MACIR: variants seen among roughly 807,000 people sequenced by gnomAD.
MACIR encodes UNC119-binding protein C5orf30.
In MACIR, 4 loss-of-function variants were observed where a neutral mutation model predicts 14.3. The ratio of observed to expected loss-of-function variants is 0.28; its 90% CI spans 0.14 to 0.64. The LOEUF (loss-of-function observed/expected upper bound fraction) is 0.64. Among genes scored for constraint, MACIR ranks in the 30% least tolerant of loss-of-function variants. MACIR has a pLI of 0.83. For synonymous variants in MACIR, 101 were observed against 102.4 expected (o/e 0.99, Z 0.08); for missense variants, 228 against 257.6 (o/e 0.89, Z 0.79).
chr5:103,267,136 A>G (rs1804954415), intron 2 of MACIR, among the ~76,000 whole-genome samples: 1 of 152,132 alleles, frequency 6.6e-6, no homozygotes, highest in South Asian at 2.1e-4. Context: ...ACCTATATTT[A>G]TACAGTTGTC....
intron 2 of MACIR, among the ~76,000 whole-genome samples, chr5:103,268,562 C>A (rs144466097): frequency 1.3e-5 from 2 of 152,318 alleles, no homozygotes; most frequent in Non-Finnish European, 2.9e-5. Context: ...TGAAACTCTT[C>A]TATCTGATAA....
Position 103,276,108 on chromosome 5 carries a change from C to T in MACIR, c.189C>T (p.Gly63=), listed in dbSNP as rs920067089. The change falls in exon 3 of 3, where the codon GGC becomes GGT. Residue 63 remains glycine (G), a synonymous_variant. Coordinates refer to ENST00000319933, the MANE Select transcript of MACIR (RefSeq NM_033211.4). ...ACATGGACTCTAACTATTTGGTTGG[C>T]TTCACGACTGGCGAGGAACTCCTGA... ...ILHMDSNYLV[G]FTTGEELLKL... 3.7e-6 allele frequency: 6 copies of T among 1,613,932 alleles called. No individual in the cohort carries two copies. In the Admixed American group the frequency reaches 5.0e-5, roughly 13 times the overall value.
chr5:103,273,520 A>G (rs958105890), intron 2 of MACIR, among the ~76,000 whole-genome samples: 1 of 152,200 alleles, frequency 6.6e-6, no homozygotes, highest in East Asian at 1.9e-4. Flanking sequence ...ATTTCTGCCT[A>G]TTTCTCTAAA....
chr5:103,271,528 A>T (rs1805125088), intron 2 of MACIR, among the ~76,000 whole-genome samples: 1 of 152,122 alleles, frequency 6.6e-6, no homozygotes, highest in African/African-American at 2.4e-5. Flanking sequence ...TTTTTAAAGA[A>T]TTATTGTTAC....
chr5:103,271,899 C>G (rs1554237153), intron 2 of MACIR, among the ~76,000 whole-genome samples: 1 of 152,082 alleles, frequency 6.6e-6, no homozygotes, highest in African/African-American at 2.4e-5. Flanking sequence ...ATATGAAAGG[C>G]ATTAATGGAA....
chr5:103,276,665 C>A lies in MACIR; in HGVS notation c.*125C>A. On this transcript the variant is annotated 3_prime_UTR_variant, in exon 3 of 3. Coordinates refer to ENST00000319933, the MANE Select transcript of MACIR (RefSeq NM_033211.4). Reference sequence around the variant, plus strand: ...TTATATCAGCTAAGTGTTCCTGGAACATAAAAATTGTTTGGGTCAAATTTG... The same window carrying A: ...TTATATCAGCTAAGTGTTCCTGGAAAATAAAAATTGTTTGGGTCAAATTTG... 2 of 906,920 alleles carry A rather than the reference C, an allele frequency of 2.2e-6. No individual in the cohort carries two copies. The highest frequency in any genetic ancestry group is 1.6e-6 in the Non-Finnish European group (1 of 631,422). 56.2% of individuals were successfully genotyped at this position (906,920 alleles called of 1,614,324 possible). A position where few individuals can be genotyped will look rare whatever the true frequency, so the allele number is the denominator to read the frequency against.
intron 2 of MACIR, among the ~76,000 whole-genome samples, chr5:103,267,518 G>A (rs1028319713): frequency 2.0e-5 from 3 of 152,064 alleles, no homozygotes; most frequent in Admixed American, 6.6e-5. Context: ...TAAATAAATC[G>A]ACATTCTAGC....
chr5:103,267,544 G>A (rs554797051), intron 2 of MACIR, among the ~76,000 whole-genome samples: 1 of 152,248 alleles, frequency 6.6e-6, no homozygotes, highest in East Asian at 1.9e-4. Flanking sequence ...TGCACAAGGT[G>A]AAATGAGTCA....
At chr5:103,274,916 G>A (rs1554237468) in intron 2 of MACIR, among the ~76,000 whole-genome samples, 3 of 152,232 alleles carry the variant, frequency 2.0e-5, no homozygotes, top group East Asian at 3.9e-4. Flanking sequence ...ATTTCCCTTA[G>A]TATTTTAGCT....
chr5:103,263,354 A>G (rs1804800629), intron 1 of MACIR, among the ~76,000 whole-genome samples: 1 of 152,068 alleles, frequency 6.6e-6, no homozygotes. Flanking sequence ...TCCCTTGGAC[A>G]TTGTGTTTAT....
At chr5:103,265,617 T>C (rs964703900) in intron 1 of MACIR, among the ~76,000 whole-genome samples, 4 of 152,180 alleles carry the variant, frequency 2.6e-5, no homozygotes, top group Non-Finnish European at 5.9e-5. Flanking sequence ...CCAATACTTA[T>C]TACCTTACTT....
At chr5:103,258,615 C>A (rs2149916099), upstream of MACIR, 1 of 152,736 alleles carries the variant, frequency 6.5e-6, no homozygotes, top group Admixed American at 6.5e-5. Context: ...GAGAGCTGGG[C>A]GCAGGAGGCG....
intron 1 of MACIR, among the ~76,000 whole-genome samples, chr5:103,261,694 C>CTTTTCTTTCT (rs1376424477): frequency 8.6e-6 from 1 of 116,744 alleles, no homozygotes. Context: ...TTCTTTCTTT[C>CTTTTCTTTCT]TTTCTTTCTT....
At chr5:103,262,707 C>T (rs782640785) in intron 1 of MACIR, among the ~76,000 whole-genome samples, 1 of 152,122 alleles carries the variant, frequency 6.6e-6, no homozygotes, top group Non-Finnish European at 1.5e-5. Context: ...TGGTTTTTTC[C>T]TATTTTTATT....
chr5:103,258,721 G>C (rs1453935391), upstream of MACIR: 2 of 153,486 alleles, frequency 1.3e-5, no homozygotes, highest in Admixed American at 1.3e-4. Context: ...GGAGGGGGCG[G>C]GGACTAAGCA....
chr5:103,258,456 T>C (rs1804534124), upstream of MACIR, among the ~76,000 whole-genome samples: 1 of 151,998 alleles, frequency 6.6e-6, no homozygotes. Context: ...TGGAGCTCTT[T>C]AGTTGGAGTG....
At chr5:103,259,604 C>T (rs539155365) in intron 1 of MACIR, 2 of 152,564 alleles carry the variant, frequency 1.3e-5, no homozygotes, top group Admixed American at 6.5e-5. Flanking sequence ...CCTCCTCGTC[C>T]TGGTTGCAAC....
chr5:103,265,916 G>T lies in MACIR; in HGVS notation c.-105G>T, dbSNP rs1422298418. ...TTGTATTTCATGTTTAGTACCTGGA[G>T]TAGAACAGAAAAATTATTATGTCTG... On this transcript the variant is annotated 5_prime_UTR_variant, in exon 2 of 3. Transcript: ENST00000319933. The T allele has an allele frequency of 5.3e-5, 8 of 152,130 alleles. No individual in the cohort carries two copies. The highest frequency in any genetic ancestry group is 3.3e-4 in the Admixed American group (5 of 15,270). 9.4% of individuals were successfully genotyped at this position (152,130 alleles called of 1,614,324 possible). A position where few individuals can be genotyped will look rare whatever the true frequency, so the allele number is the denominator to read the frequency against.
intron 2 of MACIR, among the ~76,000 whole-genome samples, chr5:103,272,642 G>A (rs1408524464): frequency 6.6e-6 from 1 of 152,068 alleles, no homozygotes; most frequent in Non-Finnish European, 1.5e-5. Flanking sequence ...TTGACATTGA[G>A]GGCTGTCTTT....
Sources: gnomAD v4.1 joint callset for allele counts (sites outside exome capture counted in the v4.1 genomes callset) on GRCh38, gnomAD v4.1.1 for gene constraint, MANE v1.5 for transcripts, NCBI Gene and HGNC (gene_info 2026-07-23, HGNC 2026-07-21) for gene names.